Variants in SMAP1 observed in about 807,000 individuals in gnomAD.
The protein encoded by SMAP1 is stromal membrane-associated protein 1.
Under a neutral mutation model 58.5 loss-of-function variants are expected in SMAP1, and 24 were observed. The ratio of observed to expected loss-of-function variants is 0.41; its 90% CI spans 0.30 to 0.58. The LOEUF is 0.58. SMAP1 is among the 20% of genes least tolerant of loss of function. The pLI, the probability that SMAP1 is intolerant of heterozygous loss-of-function variation, is 0.29. For missense variants in SMAP1, 563 were observed against 566.3 expected, an observed-to-expected ratio of 0.99 and a Z score of 0.06; for synonymous variants, 216 against 196.6, an observed-to-expected ratio of 1.10 and a Z score of -0.82.
At chr6:70,857,077 T>C (rs1582319631) in intron 9 of SMAP1, 47 bp downstream of exon 9, 2 of 1,499,818 alleles carry the variant, frequency 1.3e-6, no homozygotes, top group Non-Finnish European at 1.8e-6. Flanking sequence ...TAGAAGTACA[T>C]CCTTTGTAAT....
chr6:70,766,662 A>G (rs981418772), intron 3 of SMAP1, among the ~76,000 whole-genome samples: 21 of 151,952 alleles, frequency 1.4e-4, no homozygotes, highest in African/African-American at 4.8e-4. Context: ...TGTCAGATGA[A>G]TAGGTTGCAA....
At chr6:70,742,977 G>T (rs552925264) in intron 2 of SMAP1, among the ~76,000 whole-genome samples, 5 of 152,162 alleles carry the variant, frequency 3.3e-5, no homozygotes, top group Non-Finnish European at 7.3e-5. Context: ...CTCCAACTGG[G>T]TCTCTCCCAC....
intron 1 of SMAP1, among the ~76,000 whole-genome samples, chr6:70,716,820 T>C (rs951363728): frequency 6.6e-6 from 1 of 152,216 alleles, no homozygotes. Context: ...TTAAAATTCC[T>C]TGTTGGGTAA....
chr6:70,804,762 G>C lies in SMAP1; in HGVS notation c.576+6025G>C, dbSNP rs527915145. On this transcript the variant is annotated intron_variant, in intron 6 of 10. Transcript: ENST00000370455. ...ATTTCTCCTTCACTTATGAAGCTTA[G>C]TTTGGCTGGATATGAAATTCTGGGT... Among the ~76,000 whole-genome samples, 9 of 152,188 alleles carry C rather than the reference G, an allele frequency of 5.9e-5. No homozygotes were observed. The South Asian group carries it at 1.9e-3, about 32-fold the overall frequency.
At chr6:70,767,082 C>T (rs1767023066) in intron 3 of SMAP1, among the ~76,000 whole-genome samples, 1 of 152,084 alleles carries the variant, frequency 6.6e-6, no homozygotes, top group Non-Finnish European at 1.5e-5. Context: ...TTTCTGAGGG[C>T]TCTGTTCTGT....
At chr6:70,834,123 T>G (rs1329520392) in intron 6 of SMAP1, among the ~76,000 whole-genome samples, 1 of 152,174 alleles carries the variant, frequency 6.6e-6, no homozygotes, top group Non-Finnish European at 1.5e-5. Flanking sequence ...ATTGCTCAAT[T>G]TAGCTTTTTC....
At chr6:70,841,850 C>A (rs1014176706) in intron 7 of SMAP1, among the ~76,000 whole-genome samples, 1 of 152,156 alleles carries the variant, frequency 6.6e-6, no homozygotes, top group African/African-American at 2.4e-5. Context: ...AACATATACC[C>A]AGTTTTATAT....
intron 6 of SMAP1, among the ~76,000 whole-genome samples, chr6:70,806,058 G>A (rs963363340): frequency 6.6e-6 from 1 of 152,198 alleles, no homozygotes; most frequent in Non-Finnish European, 1.5e-5. Context: ...AGACAGGCAC[G>A]TTTAAGTCTG....
intron 6 of SMAP1, among the ~76,000 whole-genome samples, chr6:70,831,941 T>A (rs1770375940): frequency 1.3e-5 from 2 of 152,146 alleles, no homozygotes; most frequent in Non-Finnish European, 2.9e-5. Flanking sequence ...ATTTTTTAAA[T>A]TTTTTTAATG....
intron 4 of SMAP1, among the ~76,000 whole-genome samples, chr6:70,789,957 C>G (rs1439983877): frequency 6.6e-6 from 1 of 152,096 alleles, no homozygotes; most frequent in Admixed American, 6.5e-5. Flanking sequence ...TTATCATCTT[C>G]TCAAATGGAG....
intron 1 of SMAP1, among the ~76,000 whole-genome samples, chr6:70,728,049 G>C (rs900608126): frequency 5.3e-5 from 8 of 152,108 alleles, no homozygotes; most frequent in Non-Finnish European, 8.8e-5. Flanking sequence ...GGGCAATAGA[G>C]TGAGACCCTG....
chr6:70,785,471 T>TA (rs1436428376), intron 4 of SMAP1, among the ~76,000 whole-genome samples: 2 of 151,622 alleles, frequency 1.3e-5, no homozygotes, highest in Non-Finnish European at 2.9e-5. Flanking sequence ...CTGAAGGAAA[T>TA]AGAGACACAA....
At chr6:70,822,201 AG>A (rs2149982611) in intron 6 of SMAP1, among the ~76,000 whole-genome samples, 1 of 152,302 alleles carries the variant, frequency 6.6e-6, no homozygotes, top group South Asian at 2.1e-4. Flanking sequence ...CCCAGGTGAA[AG>A]GGTCAACAAT....
rs781358576 is a variant in SMAP1, at chr6:70,721,266, C to T, written c.119-11112C>T. ...TGCTTTGCTGCTTAGAAATTTTTTC[C>T]GCCAGATACCCTAAATTGTCTTTCT... On this transcript the variant is annotated intron_variant, in intron 1 of 10. Transcript: ENST00000370455. Among the ~76,000 whole-genome samples the T allele has an allele frequency of 3.3e-4, 50 of 152,222 alleles. 1 individual carries two copies. The highest frequency in any genetic ancestry group is 9.8e-4 in the Admixed American group (15 of 15,288).
chr6:70,729,333 G>A (rs1765319494), intron 1 of SMAP1, among the ~76,000 whole-genome samples: 1 of 151,974 alleles, frequency 6.6e-6, no homozygotes, highest in Admixed American at 6.5e-5. Context: ...CAGCTACTCA[G>A]GAGGCTGAGG....
At chr6:70,721,760 C>G (rs1768537178) in intron 1 of SMAP1, among the ~76,000 whole-genome samples, 1 of 152,160 alleles carries the variant, frequency 6.6e-6, no homozygotes, top group Admixed American at 6.5e-5. Flanking sequence ...GTGAAAGGCA[C>G]TTCTTACATG....
intron 1 of SMAP1, among the ~76,000 whole-genome samples, chr6:70,681,306 C>G (rs772194596): frequency 5.9e-5 from 9 of 151,998 alleles, no homozygotes; most frequent in Admixed American, 5.9e-4. Flanking sequence ...GTGGCACGTG[C>G]CTGTGGTGCC....
At position 70,862,002 on chromosome 6, in the gene SMAP1, A is replaced by G. The variant is rs202160619; in HGVS notation, c.*1668A>G. On this transcript the variant is annotated 3_prime_UTR_variant, in exon 11 of 11. Transcript: ENST00000370455. ...TCCTTTGTGAAAAATAAAAAAAAAA[A>G]AGAGACTTTAAAATCCTGGTGTACT... 2.4e-4 allele frequency: 378 copies of G among 1,559,928 alleles called. 1 individual carries two copies. The highest frequency in any genetic ancestry group is 1.6e-3 in the East Asian group (70 of 44,262).
intron 7 of SMAP1, among the ~76,000 whole-genome samples, chr6:70,840,600 C>G (rs1770765046): frequency 6.6e-6 from 1 of 152,162 alleles, no homozygotes; most frequent in Non-Finnish European, 1.5e-5. Context: ...TTCCTATCAA[C>G]TGTAAAAACA....
Sources: allele counts gnomAD v4.1 joint callset (sites outside exome capture counted in the v4.1 genomes callset), GRCh38; gene constraint gnomAD v4.1.1; transcripts MANE v1.5; gene names NCBI Gene and HGNC (gene_info 2026-07-23, HGNC 2026-07-21).